Variants in GMPS observed in about 807,000 individuals in gnomAD.
GMPS encodes the protein GMP synthase [glutamine-hydrolyzing].
GMPS carries 15 observed loss-of-function variants against 77.9 expected under a neutral mutation model. That is an observed-to-expected ratio of 0.19 (90% confidence interval 0.13 to 0.30). The LOEUF is 0.30. Among genes scored for constraint, GMPS ranks in the 10% least tolerant of loss-of-function variants. GMPS has a pLI of 1.00. For missense variants in GMPS, 590 were observed against 838.8 expected (o/e 0.70, Z 3.66); for synonymous variants, 224 against 275.9 (o/e 0.81, Z 1.86).
Position 155,925,272 on chromosome 3 carries a change from G to A in GMPS, c.1466G>A (p.Cys489Tyr), listed in dbSNP as rs1021321237. 2 of 1,612,964 alleles carry A rather than the reference G, an allele frequency of 1.2e-6. No homozygotes were observed. Among genetic ancestry groups the A allele is most frequent in the Non-Finnish European group, 1.7e-6 (2 of 1,179,108 alleles). ...PHTLLQRVKA[C>Y]TTEEDQEKLM... ...ACCCTATTACAGAGAGTCAAAGCCT[G>A]CACAACAGAAGAGGATCAGGAGAAG... Residue 489 changes from cysteine (C) to tyrosine (Y), a missense_variant, in exon 12 of 16, where the codon TGC becomes TAC. By Grantham distance (194) the Cys-to-Tyr change is radical. Around this residue, in one of 6 missense-constraint regions of GMPS, gnomAD observed 89 missense variants for 95.9 expected, o/e 0.93. Transcript: ENST00000496455.
At chr3:155,926,599 A>T (rs796454738) in intron 12 of GMPS, among the ~76,000 whole-genome samples, 4 of 151,224 alleles carry the variant, frequency 2.6e-5, no homozygotes, top group African/African-American at 9.9e-5. Context: ...AAAAATAAAA[A>T]AAAAGAAATT....
intron 5 of GMPS, 40 bp downstream of exon 5, chr3:155,906,303 C>CT: frequency 8.3e-7 from 1 of 1,210,738 alleles, no homozygotes; most frequent in Admixed American, 1.8e-5. Context: ...ATTTAAAAAA[C>CT]TTTATCTGAA....
At chr3:155,909,203 A>C (rs1260358020) in intron 5 of GMPS, among the ~76,000 whole-genome samples, 1 of 152,314 alleles carries the variant, frequency 6.6e-6, no homozygotes, top group African/African-American at 2.4e-5. Flanking sequence ...AATAGGAGTA[A>C]CACATGCACA....
intron 1 of GMPS, among the ~76,000 whole-genome samples, chr3:155,880,408 T>G (rs917879827): frequency 6.6e-6 from 1 of 152,176 alleles, no homozygotes; most frequent in African/African-American, 2.4e-5. Flanking sequence ...GGTAGTATCT[T>G]TTTGTATCAG....
chr3:155,900,805 A>G (rs1343309951), intron 3 of GMPS, among the ~76,000 whole-genome samples: 3 of 152,198 alleles, frequency 2.0e-5, no homozygotes, highest in Non-Finnish European at 2.9e-5. Flanking sequence ...TTGTCCTTCC[A>G]TAAAATAATG....
Position 155,925,363 on chromosome 3 carries a change from G to A in GMPS, c.1557G>A (p.Val519=), listed in dbSNP as rs1203904853. Residue 519 remains valine, a synonymous_variant, in exon 12 of 16, where the codon GTG becomes GTA. Transcript: ENST00000496455. ...TGCTGCCAATTAAAACTGTAGGTGT[G>A]CAGGTGAGTTGTGTGAATTCATTCA... is the stretch of plus-strand genomic sequence containing the variant. ...AFLLPIKTVG[V]QGDCRSYSYV... The A allele has an allele frequency of 6.2e-7, 1 of 1,602,300 alleles. No individual in the cohort carries two copies. Among genetic ancestry groups the A allele is most frequent in the Admixed American group, 1.7e-5 (1 of 57,630 alleles).
chr3:155,890,005 G>A (rs865836528), intron 1 of GMPS, among the ~76,000 whole-genome samples: 2 of 151,998 alleles, frequency 1.3e-5, no homozygotes, highest in South Asian at 2.1e-4. Context: ...CTAATATCTC[G>A]AATCTAATTA....
intron 1 of GMPS, among the ~76,000 whole-genome samples, chr3:155,890,734 C>T (rs1754444270): frequency 6.6e-6 from 1 of 152,188 alleles, no homozygotes; most frequent in South Asian, 2.1e-4. Flanking sequence ...CTTTCCATCA[C>T]AACCAGTTTC....
chr3:155,941,426 C>G lies in GMPS; in HGVS notation c.*3734C>G, dbSNP rs1354729480. On this transcript the variant is annotated 3_prime_UTR_variant, in exon 16 of 16. Coordinates refer to ENST00000496455, the MANE Select transcript of GMPS (RefSeq NM_003875.3). ...TCAAAAAAAAAAAAAAAAGGAAGTT[C>G]TTAGTGTGTAATTGACCATCAGGGA... is the stretch of plus-strand genomic sequence containing the variant. 2 of 183,236 alleles carry G rather than the reference C, an allele frequency of 1.1e-5. No homozygotes were observed. 11.4% of individuals were successfully genotyped at this position (183,236 alleles called of 1,614,324 possible).
intron 1 of GMPS, among the ~76,000 whole-genome samples, chr3:155,885,941 C>T (rs1004606899): frequency 7.9e-5 from 12 of 152,108 alleles, no homozygotes; most frequent in African/African-American, 2.9e-4. Flanking sequence ...GTGCCTCAGC[C>T]TCCGGTGTAG....
At chr3:155,930,632 A>G (rs1182565961) in intron 12 of GMPS, among the ~76,000 whole-genome samples, 1 of 152,234 alleles carries the variant, frequency 6.6e-6, no homozygotes. Flanking sequence ...GCTAATATCC[A>G]GAATCTACAG....
chr3:155,910,911 T>C, intron 6 of GMPS, 26 bp downstream of exon 6: 1 of 1,420,326 alleles, frequency 7.0e-7, no homozygotes, highest in Non-Finnish European at 9.7e-7. Flanking sequence ...TCTGGAAGTC[T>C]ACAAATTTAT....
rs900054535 is a variant in GMPS at position 155,943,033 on chromosome 3, C to A, written c.*5341C>A. 1 of 177,678 alleles carries A rather than the reference C, an allele frequency of 5.6e-6. No homozygotes were observed. Among genetic ancestry groups the A allele is most frequent in the Non-Finnish European group, 1.2e-5 (1 of 82,790 alleles). 11.0% of individuals were successfully genotyped at this position (177,678 alleles called of 1,614,324 possible). A position where few individuals can be genotyped will look rare whatever the true frequency, so the allele number is the denominator to read the frequency against. On this transcript the variant is annotated 3_prime_UTR_variant, in exon 16 of 16. Transcript: ENST00000496455. ...ATCTCTTGAGGTCAGGAGTTTGAGA[C>A]CAGCGTGGCCAACATGGTGAAACCC...
Position 155,941,520 on chromosome 3 carries a change from C to A in GMPS, c.*3828C>A, listed in dbSNP as rs1755890865. On this transcript the variant is annotated 3_prime_UTR_variant, in exon 16 of 16. Transcript: ENST00000496455. ...AGTTTCTAGAGATAGCCCTGTCTTT[C>A]AGAAATTCTCTGACATCTGCTTGCG... 4.6e-6 allele frequency: 1 copy of A among 216,070 alleles called. No individual in the cohort carries two copies. Among genetic ancestry groups the A allele is most frequent in the Non-Finnish European group, 9.3e-6 (1 of 107,394 alleles). 13.4% of individuals were successfully genotyped at this position (216,070 alleles called of 1,614,324 possible).
At chr3:155,906,859 A>G (rs1353887344) in intron 5 of GMPS, among the ~76,000 whole-genome samples, 3 of 152,200 alleles carry the variant, frequency 2.0e-5, no homozygotes, top group Admixed American at 6.5e-5. Context: ...TTGCTGACCC[A>G]TGCTCTTAAA....
At chr3:155,884,073 A>C (rs943916901) in intron 1 of GMPS, among the ~76,000 whole-genome samples, 5 of 150,918 alleles carry the variant, frequency 3.3e-5, no homozygotes, top group African/African-American at 1.2e-4. Flanking sequence ...ATAATATATT[A>C]ATATTAAAAG....
At chr3:155,878,706 T>C (rs959339056) in intron 1 of GMPS, among the ~76,000 whole-genome samples, 1 of 152,120 alleles carries the variant, frequency 6.6e-6, no homozygotes, top group Non-Finnish European at 1.5e-5. Flanking sequence ...GAGAGATATA[T>C]GAGAGGAAAT....
Position 155,910,675 on chromosome 3 carries a change from C to A in GMPS, c.527-17C>A. 2 of 1,349,670 alleles carry A rather than the reference C, an allele frequency of 1.5e-6. No individual in the cohort carries two copies. The highest frequency in any genetic ancestry group is 2.0e-6 in the Non-Finnish European group (2 of 1,006,976). 83.6% of individuals were successfully genotyped at this position (1,349,670 alleles called of 1,614,324 possible). On this transcript the variant is annotated splice_polypyrimidine_tract_variant and intron_variant, in intron 5 of 15. Coordinates refer to ENST00000496455, the MANE Select transcript of GMPS (RefSeq NM_003875.3). ...AGCATGAAAAAATTTTAATTTGTGA[C>A]TATTTTCTCTATAAAGGCATAGCAA...
chr3:155,910,686 A>G lies in GMPS; in HGVS notation c.527-6A>G. 1 of 1,498,618 alleles carries G rather than the reference A, an allele frequency of 6.7e-7. No individual in the cohort carries two copies. The highest frequency in any genetic ancestry group is 9.0e-7 in the Non-Finnish European group (1 of 1,110,662). The allele number at this position is 1,498,618 out of a possible 1,614,324, so 92.8% of individuals were successfully genotyped here. A position where few individuals can be genotyped will look rare whatever the true frequency, so the allele number is the denominator to read the frequency against. ...ATTTTAATTTGTGACTATTTTCTCT[A>G]TAAAGGCATAGCAAATGAATCTAAA... On this transcript the variant is annotated splice_region_variant and splice_polypyrimidine_tract_variant and intron_variant, in intron 5 of 15. Transcript: ENST00000496455.
Sources: allele counts gnomAD v4.1 joint callset (sites outside exome capture counted in the v4.1 genomes callset), GRCh38; gene constraint gnomAD v4.1.1; regional missense constraint gnomAD v4.1.1; transcripts MANE v1.5; gene names NCBI Gene and HGNC (gene_info 2026-07-23, HGNC 2026-07-21).